CCDC171: variants seen among roughly 807,000 people sequenced by gnomAD.
CCDC171 encodes the protein coiled-coil domain-containing protein 171.
CCDC171 carries 177 observed loss-of-function variants against 168.2 expected under a neutral mutation model. The observed-to-expected ratio is 1.05, with a 90% CI of 0.93 to 1.19. The LOEUF (loss-of-function observed/expected upper bound fraction) is 1.19. CCDC171 is among the 50% of genes most tolerant of loss of function. The pLI is 0.00. For synonymous variants in CCDC171, 687 were observed against 540.8 expected (o/e 1.27, Z -3.75); for missense variants, 1,991 against 1,539.0 (o/e 1.29, Z -4.91).
chr9:16,043,697 T>C (rs752498414), intron 1 of CCDC171, among the ~76,000 whole-genome samples: 10 of 152,226 alleles, frequency 6.6e-5, no homozygotes, highest in Non-Finnish European at 1.3e-4. Context: ...AGATGTGGCT[T>C]TGTTCCTTAC....
intron 21 of CCDC171, among the ~76,000 whole-genome samples, chr9:15,792,622 C>G (rs1588526820): frequency 6.6e-6 from 1 of 152,286 alleles, no homozygotes; most frequent in African/African-American, 2.4e-5. Context: ...AACAGCGGAT[C>G]TCTCGGCAGA....
intron 11 of CCDC171, among the ~76,000 whole-genome samples, chr9:15,717,046 AG>A (rs2053135514): frequency 6.6e-6 from 1 of 152,244 alleles, no homozygotes; most frequent in African/African-American, 2.4e-5. Flanking sequence ...GAGCAGTCAC[AG>A]TACCTGTTTT....
At chr9:16,071,377 C>T in the CCDC171 span, among the ~76,000 whole-genome samples, 1 of 152,222 alleles carries the variant, frequency 6.6e-6, no homozygotes, top group Admixed American at 6.5e-5. Context: ...TTGTCCACTG[C>T]TGATCTGTGT....
intron 25 of CCDC171, among the ~76,000 whole-genome samples, chr9:15,942,385 G>A (rs1026034586): frequency 4.6e-5 from 7 of 151,824 alleles, no homozygotes; most frequent in East Asian, 1.9e-4. Flanking sequence ...TAATAAGGTC[G>A]TCTGGTATGT....
intron 6 of CCDC171, among the ~76,000 whole-genome samples, chr9:15,596,447 A>T (rs1222091836): frequency 6.6e-6 from 1 of 152,144 alleles, no homozygotes; most frequent in Non-Finnish European, 1.5e-5. Flanking sequence ...CAAAGATCAG[A>T]TGGTTGTAGA....
At chr9:15,759,714 A>G (rs1171993053) in intron 18 of CCDC171, among the ~76,000 whole-genome samples, 1 of 152,204 alleles carries the variant, frequency 6.6e-6, no homozygotes, top group African/African-American at 2.4e-5. Context: ...GAAAACTCAC[A>G]GAAGTGACAC....
intron 24 of CCDC171, among the ~76,000 whole-genome samples, chr9:15,880,342 G>A (rs1037185497): frequency 1.3e-5 from 2 of 152,108 alleles, no homozygotes; most frequent in Non-Finnish European, 2.9e-5. Flanking sequence ...CTTGCCAATT[G>A]ATAAATTGTA....
At chr9:15,855,708 G>A (rs2061324343) in intron 23 of CCDC171, among the ~76,000 whole-genome samples, 1 of 151,512 alleles carries the variant, frequency 6.6e-6, no homozygotes, top group Admixed American at 6.6e-5. Context: ...TACATTTTTA[G>A]TTGTTTTCTT....
chr9:16,027,937 T>C (rs988800221), intron 6 of CCDC171, among the ~76,000 whole-genome samples: 1 of 152,194 alleles, frequency 6.6e-6, no homozygotes, highest in Non-Finnish European at 1.5e-5. Context: ...TATCTTCCCA[T>C]ATTATTTCAG....
intron 25 of CCDC171, among the ~76,000 whole-genome samples, chr9:15,969,060 T>TA (rs1417310303): frequency 6.6e-6 from 1 of 152,210 alleles, no homozygotes; most frequent in African/African-American, 2.4e-5. Flanking sequence ...TCTCTGGAGA[T>TA]TCTTTAGATT....
chr9:15,744,446 C>T lies in CCDC171; in HGVS notation c.2223C>T (p.Leu741=), dbSNP rs1348555719. The change falls in exon 17 of 26, where the codon CTC becomes CTT. Residue 741 remains leucine, a synonymous_variant. Transcript: ENST00000380701. ...CALMAGALYP[L]YSRSCALSTQ... ...TAATGGCTGGTGCCTTATATCCCCTCTATAGCCGATCATGCGCCTTGTCTA... is the reference window on the plus strand; with the variant it reads ...TAATGGCTGGTGCCTTATATCCCCTTTATAGCCGATCATGCGCCTTGTCTA... The T allele has an allele frequency of 6.2e-7, 1 of 1,614,112 alleles. No individual in the cohort carries two copies. Among genetic ancestry groups the T allele is most frequent in the South Asian group, 1.1e-5 (1 of 91,074 alleles).
chr9:15,852,134 A>G (rs943311859), intron 23 of CCDC171, among the ~76,000 whole-genome samples: 1 of 151,738 alleles, frequency 6.6e-6, no homozygotes, highest in Non-Finnish European at 1.5e-5. Flanking sequence ...TAATAATACC[A>G]TGATAACTTT....
At chr9:15,655,310 C>G (rs532773879) in intron 7 of CCDC171, among the ~76,000 whole-genome samples, 5 of 152,110 alleles carry the variant, frequency 3.3e-5, no homozygotes, top group African/African-American at 1.2e-4. Context: ...ATTGAACTAC[C>G]CCATTGACAG....
At chr9:15,874,474 C>G in intron 23 of CCDC171, 58 bp from the exon 24 acceptor site, 4 of 1,470,234 alleles carry the variant, frequency 2.7e-6, no homozygotes, top group Non-Finnish European at 3.6e-6. Context: ...GGACCCAGTT[C>G]ATCCCAGTTA....
At chr9:16,092,234 T>G in the CCDC171 span, among the ~76,000 whole-genome samples, 8 of 152,192 alleles carry the variant, frequency 5.3e-5, no homozygotes, top group Non-Finnish European at 1.2e-4. Flanking sequence ...GGAGAGACAT[T>G]CCTCAGACAA....
At chr9:15,757,306 G>C (rs1361856224) in intron 18 of CCDC171, among the ~76,000 whole-genome samples, 1 of 152,178 alleles carries the variant, frequency 6.6e-6, no homozygotes. Flanking sequence ...TGAGGAACTT[G>C]TAGGGTATTG....
intron 18 of CCDC171, among the ~76,000 whole-genome samples, chr9:15,751,154 A>T (rs929917444): frequency 6.6e-6 from 1 of 152,212 alleles, no homozygotes; most frequent in South Asian, 2.1e-4. Context: ...GAGCCAAATC[A>T]TGAGTGATCT....
intron 3 of CCDC171, among the ~76,000 whole-genome samples, chr9:16,007,703 G>T (rs1024571257): frequency 4.3e-4 from 65 of 152,128 alleles, no homozygotes; most frequent in Non-Finnish European, 6.0e-4. Flanking sequence ...TTTCCCCATT[G>T]CTTGTTTTTG....
At chr9:15,623,475 G>GCACACACACACACACACACACACACACA (rs1554714957) in intron 7 of CCDC171, 62 bp downstream of exon 7, 4 of 315,472 alleles carry the variant, frequency 1.3e-5, no homozygotes, top group East Asian at 1.6e-4. Context: ...GCGCGCGCGC[G>GCACACACACACACACACACACACACACA]CACACACACA....
Sources: allele counts gnomAD v4.1 joint callset (sites outside exome capture counted in the v4.1 genomes callset), GRCh38; gene constraint gnomAD v4.1.1; transcripts MANE v1.5; gene names NCBI Gene and HGNC (gene_info 2026-07-23, HGNC 2026-07-21).